The following TTN variants were observed in gnomAD, a reference collection of about 807,000 sequenced individuals.
TTN encodes titin.
In TTN, 1,525 loss-of-function variants were observed where a neutral mutation model predicts 3,223.0. The observed-to-expected ratio is 0.47, with a 90% CI of 0.45 to 0.49. The LOEUF (loss-of-function observed/expected upper bound fraction) is 0.49. Ranked by LOEUF, TTN falls within the 20% of genes least tolerant of loss-of-function variation. The pLI is 0.00. For synonymous variants in TTN, 14,094 were observed against 15,161.0 expected (o/e 0.93, Z 5.17); for missense variants, 40,786 against 43,424.0 (o/e 0.94, Z 5.40).
chr2:178,778,754 T>C (rs2092482038), intron 24 of TTN, 120 bp downstream of exon 24: 1 of 1,399,908 alleles, frequency 7.1e-7, no homozygotes, highest in Non-Finnish European at 9.9e-7. Flanking sequence ...GTGTTGCCAA[T>C]GGTAAGTTTC....
rs1445321949 is a variant in TTN, at chr2:178,605,456, C to T, written c.53839G>A (p.Glu17947Lys). The T allele has an allele frequency of 2.0e-5, 32 of 1,610,620 alleles. No individual in the cohort carries two copies. The highest frequency in any genetic ancestry group is 2.6e-5 in the Non-Finnish European group (31 of 1,178,048). Reference protein sequence around the residue: ...VKAVNEIGESEPSLPLNVVIQ... With the variant: ...VKAVNEIGESKPSLPLNVVIQ... ...ACTACATTAAGAGGTAGGGATGGTT[C>T]ACTTTCACCAATTTCATTGACAGCT... is the stretch of plus-strand genomic sequence containing the variant. Residue 17947 changes from glutamate (E) to lysine (K), a missense_variant, in exon 279 of 363, where the codon GAA becomes AAA. Physicochemically the swap from Glu to Lys is moderately conservative, Grantham distance 56. Transcript: ENST00000589042.
intron 218 of TTN, among the ~76,000 whole-genome samples, chr2:178,642,831 T>C (rs914492754): frequency 1.3e-5 from 2 of 151,970 alleles, no homozygotes; most frequent in Admixed American, 1.3e-4. Flanking sequence ...AGAAGAAGAG[T>C]AGCCTTTCTT....
At position 178,562,021 on chromosome 2, in the gene TTN, AAC is replaced by A. The variant is rs2154160413; in HGVS notation, c.84109_84110del (p.Val28037PhefsTer17). ...CTGTTATGGATCCAGCACTGTTTGA[AAC>A]ACATAATTCATAAGTTCCAACATCT... ...KEDVGTYELC[V>X]SNSAGSITVP... On this transcript the variant is annotated frameshift_variant, in exon 326 of 363. Transcript: ENST00000589042. LOFTEE classifies it high-confidence loss of function. 3 of 1,613,502 alleles carry A rather than the reference AAC, an allele frequency of 1.9e-6. No homozygotes were observed. Among genetic ancestry groups the A allele is most frequent in the Non-Finnish European group, 2.5e-6 (3 of 1,179,714 alleles).
At chr2:178,747,044 A>C (rs2083794979) in intron 47 of TTN, 1 of 1,613,208 alleles carries the variant, frequency 6.2e-7, no homozygotes, top group Non-Finnish European at 8.5e-7. Flanking sequence ...TCCAGTAGGA[A>C]TAGAATATCT....
At position 178,672,051 on chromosome 2, in the gene TTN, A is replaced by T. The variant is rs1171255344; in HGVS notation, c.35147T>A (p.Val11716Asp). The T allele has an allele frequency of 1.2e-6, 2 of 1,611,044 alleles. No individual in the cohort carries two copies. The highest frequency in any genetic ancestry group is 1.7e-5 in the Admixed American group (1 of 59,686). Reference sequence around the variant, plus strand: ...TTCTATTACCCTATGAACTTTTTCAACTCTGTGTTCTTCTTCAACTCTATG... The same window carrying T: ...TTCTATTACCCTATGAACTTTTTCATCTCTGTGTTCTTCTTCAACTCTATG... ...EQHRVEEEHR[V>D]EKVHRVIEVF... The change falls in exon 155 of 363, where the codon GTT becomes GAT. Residue 11716 changes from valine (V) to aspartate (D), a missense_variant. By Grantham distance (152) the Val-to-Asp change is radical. Transcript: ENST00000589042.
Position 178,589,448 on chromosome 2 carries a change from T to C in TTN, c.62277A>G (p.Glu20759=), listed in dbSNP as rs1265388934. ...TTTGTAAGTCTTCTTTCACAACAAC[T>C]TCCTCTGTCTTCACCCAGTCACTTT... ...GGESDWVKTE[E]VVVKEDLQKP... Residue 20759 remains glutamate (E), a synonymous_variant, in exon 304 of 363, where the codon GAA becomes GAG. Transcript: ENST00000589042. 1.2e-6 allele frequency: 2 copies of C among 1,613,272 alleles called. No homozygotes were observed. The highest frequency in any genetic ancestry group is 1.7e-6 in the Non-Finnish European group (2 of 1,179,616).
rs780784090 is a variant in TTN at position 178,733,462 on chromosome 2, G to A, written c.15831C>T (p.Pro5277=). 27 of 1,613,592 alleles carry A rather than the reference G, an allele frequency of 1.7e-5. No homozygotes were observed. Among genetic ancestry groups the A allele is most frequent in the Middle Eastern group, 3.3e-4 (2 of 6,078 alleles). ...CTGCCACTGTGTACTCCAGTGTGGCGGGATCTCCTGCTGTCACCTGGATCA... is the reference window on the plus strand; with the variant it reads ...CTGCCACTGTGTACTCCAGTGTGGCAGGATCTCCTGCTGTCACCTGGATCA... ...AELIQVTAGD[P]ATLEYTVAGT... The change falls in exon 54 of 363, where the codon CCC becomes CCT. Residue 5277 remains proline, a synonymous_variant. Transcript: ENST00000589042.
chr2:178,686,113 A>ATTTTTTTTTTTTTTTTTTTTTTT lies in TTN; in HGVS notation c.32312-538_32312-516dup, dbSNP rs765570520. Reference sequence around the variant, plus strand: ...TTGAGCCTAAGTGTATACAGTTTTAATTTTTTTTTTTTTTTTTTTTTTTTT... The same window carrying ATTTTTTTTTTTTTTTTTTTTTTT: ...TTGAGCCTAAGTGTATACAGTTTTAATTTTTTTTTTTTTTTTTTTTTTTTTTTTTTTTTTTTTTTTTTTTTTTT... On this transcript the variant is annotated intron_variant, in intron 127 of 362. Coordinates refer to ENST00000589042, the MANE Select transcript of TTN (RefSeq NM_001267550.2). Among the ~76,000 whole-genome samples, 31 of 77,798 alleles carry ATTTTTTTTTTTTTTTTTTTTTTT rather than the reference A, an allele frequency of 4.0e-4. 2 individuals carry two copies. The highest frequency in any genetic ancestry group is 1.1e-3 in the African/African-American group (17 of 15,088). 51.0% of individuals were successfully genotyped at this position (77,798 alleles called of 152,430 possible). A position where few individuals can be genotyped will look rare whatever the true frequency, so the allele number is the denominator to read the frequency against.
rs770489692 is a variant in TTN, at chr2:178,746,613, C to T, written c.11312-4692G>A. The stretch of plus-strand genomic sequence containing the variant: ...TCTACATTTGCAAAGCTCTTTGCTT[C>T]CCCTATGATGTTTACAGCATGACAC... On this transcript the variant is annotated intron_variant, in intron 47 of 362. Coordinates refer to ENST00000589042, the MANE Select transcript of TTN (RefSeq NM_001267550.2). 1.7e-5 allele frequency: 28 copies of T among 1,613,142 alleles called. No homozygotes were observed. In the South Asian group the frequency reaches 3.0e-4, roughly 17 times the overall value.
rs564623151 is a variant in TTN, at chr2:178,641,290, T to G, written c.40584A>C (p.Glu13528Asp). Residue 13528 changes from glutamate (E) to aspartate (D), a missense_variant, in exon 220 of 363, where the codon GAA becomes GAC. Transcript: ENST00000589042. ...GTTTTTTAGGTTCTACTTTAGGTTC[T>G]TCTTCTTCAGGTCTTTTTCTTAGAA... is the stretch of plus-strand genomic sequence containing the variant. ...KSVLRKRPEE[E>D]EPKVEPKKLE... 2.8e-5 allele frequency: 43 copies of G among 1,510,614 alleles called. No individual in the cohort carries two copies. The highest frequency in any genetic ancestry group is 1.7e-4 in the Middle Eastern group (1 of 5,740). 93.6% of individuals were successfully genotyped at this position (1,510,614 alleles called of 1,614,324 possible).
At chr2:178,604,429 A>T in intron 281 of TTN, 124 bp from the exon 282 acceptor site, 1 of 835,124 alleles carries the variant, frequency 1.2e-6, no homozygotes, top group Non-Finnish European at 1.7e-6. Flanking sequence ...TAGACTCAAA[A>T]CATGGGAAGA....
At position 178,724,268 on chromosome 2, in the gene TTN, T is replaced by A. The variant is rs767695386; in HGVS notation, c.21107A>T (p.Asp7036Val). The A allele has an allele frequency of 1.2e-5, 19 of 1,611,956 alleles. No individual in the cohort carries two copies. The highest frequency in any genetic ancestry group is 8.4e-5 in the Admixed American group (5 of 59,836). ...AAAACAGCAGAACTAACCTGAAACA[T>A]CAACCACAGCTGTGCAGCTGCTTTT... The part of the protein sequence containing the change: ...VGKSSCTAVV[D>V]VSDRAVPPSF... Residue 7036 changes from aspartate (D) to valine (V), a missense_variant, in exon 72 of 363, where the codon GAT becomes GTT. Asp to Val is a radical substitution (Grantham distance 152, BLOSUM62 -3). Transcript: ENST00000589042.
chr2:178,545,291 C>A, intron 344 of TTN, 97 bp downstream of exon 344: 3 of 1,208,976 alleles, frequency 2.5e-6, no homozygotes, highest in Middle Eastern at 2.1e-4. Context: ...CTAGACCATT[C>A]ATAAATTCTA....
intron 20 of TTN, 27 bp downstream of exon 20, chr2:178,782,185 G>T (rs778618488): frequency 5.0e-6 from 8 of 1,612,836 alleles, no homozygotes; most frequent in South Asian, 3.3e-5. Context: ...AAGTCACAGA[G>T]AACTCTATAT....
At position 178,679,350 on chromosome 2, in the gene TTN, G is replaced by A. The variant is rs760545521; in HGVS notation, c.33731C>T (p.Pro11244Leu). 1.5e-5 allele frequency: 24 copies of A among 1,612,494 alleles called. No homozygotes were observed. In the South Asian group the frequency reaches 2.0e-4, roughly 13 times the overall value. Residue 11244 changes from proline (P) to leucine (L), a missense_variant, in exon 142 of 363, where the codon CCG (proline) becomes CTG (leucine). Pro to Leu is a moderately conservative substitution (Grantham distance 98). Transcript: ENST00000589042. ...TTATAAGGATGTACCTTTTGCTGGC[G>A]GAGGCTTCTCCTTTTTAGGAATAAG... ...PVLIPKKEKP[P>L]PAKVPEVPKK...
At chr2:178,581,020 G>A (rs765194767) in intron 316 of TTN, 20 of 167,214 alleles carry the variant, frequency 1.2e-4, no homozygotes, top group Non-Finnish European at 2.1e-4. Flanking sequence ...GTACCTGGAG[G>A]GTGACATATA....
At chr2:178,791,661 A>ATGTGTG (rs1249000350) in intron 10 of TTN, among the ~76,000 whole-genome samples, 1 of 95,822 alleles carries the variant, frequency 1.0e-5, no homozygotes, top group Admixed American at 1.1e-4. Flanking sequence ...ATGTATGTGT[A>ATGTGTG]TATGTGTGTG....
intron 43 of TTN, among the ~76,000 whole-genome samples, chr2:178,760,193 G>C (rs976360679): frequency 1.3e-5 from 2 of 152,138 alleles, no homozygotes; most frequent in African/African-American, 4.8e-5. Flanking sequence ...TCTCCTCTTA[G>C]AGTAACAAAT....
chr2:178,598,335 C>G (rs1179961047), intron 292 of TTN, among the ~76,000 whole-genome samples, 171 bp downstream of exon 292: 1 of 152,076 alleles, frequency 6.6e-6, no homozygotes, highest in Non-Finnish European at 1.5e-5. Flanking sequence ...CATGACTTAA[C>G]TTTTGATTCG....
Sources: allele counts gnomAD v4.1 joint callset (sites outside exome capture counted in the v4.1 genomes callset), GRCh38; gene constraint gnomAD v4.1.1; transcripts MANE v1.5; gene names NCBI Gene and HGNC (gene_info 2026-07-23, HGNC 2026-07-21).